The following KIAA1217 variants were observed in gnomAD, a reference collection of about 807,000 sequenced individuals.
KIAA1217 encodes KIAA1217.
Under a neutral mutation model 163.9 loss-of-function variants are expected in KIAA1217, and 88 were observed. The observed-to-expected ratio is 0.54, with a 90% CI of 0.45 to 0.64. KIAA1217 has a LOEUF of 0.64. KIAA1217 is among the 30% of genes least tolerant of loss of function. The probability of loss-of-function intolerance (pLI) is 0.00; values close to 1 mark genes in which losing one functional copy is unlikely to be tolerated. For synonymous variants in KIAA1217, 903 were observed against 923.1 expected (o/e 0.98, Z 0.39); for missense variants, 2,372 against 2,475.0 (o/e 0.96, Z 0.88).
rs1353379152 is a variant in KIAA1217, at chr10:24,088,624, C to T, written c.-171+81250C>T. On this transcript the variant is annotated intron_variant, in intron 2 of 18. Transcript: ENST00000376462. Reference sequence around the variant, plus strand: ...TCCATGTCCCTACAAAGGACATGAACTTATCATTTTTTATGGCTGCATAGT... The same window carrying T: ...TCCATGTCCCTACAAAGGACATGAATTTATCATTTTTTATGGCTGCATAGT... Among the ~76,000 whole-genome samples the T allele has an allele frequency of 1.6e-5, 2 of 122,926 alleles. 1 individual carries two copies. The highest frequency in any genetic ancestry group is 4.0e-5 in the Non-Finnish European group (2 of 49,904). 80.6% of individuals were successfully genotyped at this position (122,926 alleles called of 152,430 possible). A position where few individuals can be genotyped will look rare whatever the true frequency, so the allele number is the denominator to read the frequency against.
At chr10:24,016,862 G>A (rs941037343) in intron 2 of KIAA1217, among the ~76,000 whole-genome samples, 7 of 151,678 alleles carry the variant, frequency 4.6e-5, no homozygotes, top group South Asian at 2.1e-4. Flanking sequence ...TAAAAAAAAC[G>A]TGCAGTGAGC....
At chr10:23,876,613 G>T (rs16924004) in intron 1 of KIAA1217, among the ~76,000 whole-genome samples, 1 of 151,780 alleles carries the variant, frequency 6.6e-6, no homozygotes, top group Non-Finnish European at 1.5e-5. Context: ...CACTCTTCCA[G>T]AAACATGGGC....
chr10:24,472,928 TC>T (rs2063682385), intron 5 of KIAA1217, among the ~76,000 whole-genome samples: 1 of 152,036 alleles, frequency 6.6e-6, no homozygotes, highest in Admixed American at 6.5e-5. Flanking sequence ...CCTTCCAAAC[TC>T]TTCTAACCCT....
chr10:24,376,688 G>A (rs149062849), intron 2 of KIAA1217, among the ~76,000 whole-genome samples: 1,733 of 152,220 alleles, frequency 0.011, 35 homozygotes, highest in African/African-American at 0.04. Flanking sequence ...CTTGAGCCTG[G>A]GAGATCGAGG....
intron 2 of KIAA1217, among the ~76,000 whole-genome samples, chr10:24,117,568 G>A (rs1047483168): frequency 1.3e-5 from 2 of 152,150 alleles, no homozygotes; most frequent in African/African-American, 4.8e-5. Context: ...CCAGGAGGTT[G>A]AGGCTGCAGT....
chr10:24,479,583 T>C (rs2064407895), intron 6 of KIAA1217, among the ~76,000 whole-genome samples: 1 of 152,192 alleles, frequency 6.6e-6, no homozygotes, highest in South Asian at 2.1e-4. Context: ...GGCTGTCCTG[T>C]GCATTGTAGG....
At chr10:24,151,332 T>C (rs563301350) in intron 2 of KIAA1217, among the ~76,000 whole-genome samples, 4 of 151,472 alleles carry the variant, frequency 2.6e-5, no homozygotes, top group African/African-American at 9.7e-5. Context: ...GCAACATTCA[T>C]GATTAAGGAT....
chr10:23,951,359 T>G (rs1208608701), intron 1 of KIAA1217, among the ~76,000 whole-genome samples: 1 of 152,148 alleles, frequency 6.6e-6, no homozygotes, highest in East Asian at 1.9e-4. Context: ...AAAAGTAAAA[T>G]GATTGGCCCA....
At chr10:24,091,301 C>T (rs1235357815) in intron 2 of KIAA1217, among the ~76,000 whole-genome samples, 2 of 151,924 alleles carry the variant, frequency 1.3e-5, no homozygotes, top group Non-Finnish European at 2.9e-5. Context: ...CACCCAGCGA[C>T]TGGCATCCTC....
chr10:24,043,728 C>T (rs560970523), intron 2 of KIAA1217, among the ~76,000 whole-genome samples: 1 of 152,208 alleles, frequency 6.6e-6, no homozygotes, highest in Non-Finnish European at 1.5e-5. Flanking sequence ...CTACCTCAAC[C>T]TAAAGAGCAT....
At chr10:24,333,274 C>T (rs990417591) in intron 2 of KIAA1217, among the ~76,000 whole-genome samples, 1 of 152,194 alleles carries the variant, frequency 6.6e-6, no homozygotes, top group Non-Finnish European at 1.5e-5. Flanking sequence ...ATCTGCCCAC[C>T]TCAGCCTCCC....
At chr10:23,885,082 A>G (rs960594069) in intron 1 of KIAA1217, among the ~76,000 whole-genome samples, 1 of 151,994 alleles carries the variant, frequency 6.6e-6, no homozygotes, top group East Asian at 1.9e-4. Context: ...AAGCCAAAGA[A>G]CAGAATAAAC....
At chr10:24,187,487 T>A (rs548472813) in intron 2 of KIAA1217, among the ~76,000 whole-genome samples, 3 of 152,330 alleles carry the variant, frequency 2.0e-5, no homozygotes, top group East Asian at 3.9e-4. Flanking sequence ...TAAAACATCA[T>A]AACTATCAGC....
At chr10:24,109,394 T>G (rs2062757685) in intron 2 of KIAA1217, among the ~76,000 whole-genome samples, 1 of 152,106 alleles carries the variant, frequency 6.6e-6, no homozygotes, top group African/African-American at 2.4e-5. Flanking sequence ...CTTTTTTTTT[T>G]GATTAACATG....
chr10:24,503,459 CA>C (rs1483360177), intron 9 of KIAA1217, among the ~76,000 whole-genome samples: 2 of 152,274 alleles, frequency 1.3e-5, no homozygotes, highest in African/African-American at 2.4e-5. Context: ...TGGGTTGTGT[CA>C]GGGGGTGACA....
At position 24,137,980 on chromosome 10, in the gene KIAA1217, AT is replaced by A. The variant is rs200824094; in HGVS notation, c.-170-81645del. On this transcript the variant is annotated intron_variant, in intron 2 of 18. Coordinates refer to the KIAA1217 transcript ENST00000376462. Reference sequence around the variant, plus strand: ...CTTTAACTTATTTTAAAATATAAAAATAATGTATTTTTAATGTAGATTTGAA... The same window carrying A: ...CTTTAACTTATTTTAAAATATAAAAAAATGTATTTTTAATGTAGATTTGAA... Among the ~76,000 whole-genome samples, 1,397 of 152,322 alleles carry A rather than the reference AT, an allele frequency of 9.2e-3. 19 individuals are homozygous for A. Among genetic ancestry groups the A allele is most frequent in the African/African-American group, 0.032 (1,310 of 41,580 alleles).
intron 1 of KIAA1217, among the ~76,000 whole-genome samples, chr10:23,810,756 GTAT>G (rs1836978222): frequency 8.1e-6 from 1 of 123,004 alleles, no homozygotes; most frequent in African/African-American, 3.2e-5. Context: ...ATATAATATA[GTAT>G]TATATAACTA....
chr10:24,021,159 A>G (rs1056422000), intron 2 of KIAA1217, among the ~76,000 whole-genome samples: 1 of 151,962 alleles, frequency 6.6e-6, no homozygotes, highest in Non-Finnish European at 1.5e-5. Flanking sequence ...ATAGATAAGT[A>G]GAAATTATTT....
At chr10:24,019,134 A>T (rs1847622614) in intron 2 of KIAA1217, among the ~76,000 whole-genome samples, 1 of 152,090 alleles carries the variant, frequency 6.6e-6, no homozygotes, top group South Asian at 2.1e-4. Context: ...GTACAGCATG[A>T]TGACTATAAT....
Sources: gnomAD v4.1 joint callset for allele counts (sites outside exome capture counted in the v4.1 genomes callset) on GRCh38, gnomAD v4.1.1 for gene constraint, MANE v1.5 for transcripts, NCBI Gene and HGNC (gene_info 2026-07-23, HGNC 2026-07-21) for gene names.